Variants in TDRD6 observed in about 807,000 individuals in gnomAD.
The protein encoded by TDRD6 is tudor domain-containing protein 6.
TDRD6 carries 186 observed loss-of-function variants against 157.5 expected under a neutral mutation model. The ratio of observed to expected loss-of-function variants is 1.18; its 90% CI spans 1.05 to 1.33. TDRD6 has a LOEUF of 1.33. TDRD6 is among the 40% of genes most tolerant of loss of function. The pLI is 0.00. For synonymous variants in TDRD6, 1,075 were observed against 945.2 expected, an observed-to-expected ratio of 1.14 and a Z score of -2.52; for missense variants, 3,066 against 2,508.0, an observed-to-expected ratio of 1.22 and a Z score of -4.75.
chr6:46,701,885 T>G lies in TDRD6; in HGVS notation c.6289T>G (p.Ter2097GluextTer15), dbSNP rs748279974. ...EKRGLEVMEI* is the reference protein window; with the variant it reads ...EKRGLEVMEIE ...AAGGGGTTTGGAGGTGATGGAGATT[T>G]AACCGTGGATCTATAGCTGTGGCCA... The change falls in exon 4 of 4, where the codon TAA (stop) becomes GAA (glutamate). Residue 2097 changes from the stop codon to glutamate (E), a stop_lost. Coordinates refer to ENST00000316081, the MANE Select transcript of TDRD6 (RefSeq NM_001010870.3). The G allele has an allele frequency of 1.2e-6, 2 of 1,612,786 alleles. No individual in the cohort carries two copies. The highest frequency in any genetic ancestry group is 1.7e-6 in the Non-Finnish European group (2 of 1,179,022).
chr6:46,688,610 T>A lies in TDRD6; in HGVS notation c.482T>A (p.Leu161His). Residue 161 changes from leucine to histidine, a missense_variant, in exon 1 of 4, where the codon CTT becomes CAT. Physicochemically the swap from Leu to His is moderately conservative, Grantham distance 99 (BLOSUM62 -3). Coordinates refer to ENST00000316081, the MANE Select transcript of TDRD6 (RefSeq NM_001010870.3). ...GACGCCGTGGACTTCCTTAGCAACC[T>A]TCAGGGCAAGGAGGTGCACGGGTGC... ...PADAVDFLSN[L>H]QGKEVHGCVL... 3.8e-6 allele frequency: 6 copies of A among 1,599,030 alleles called. No homozygotes were observed. Among genetic ancestry groups the A allele is most frequent in the Non-Finnish European group, 5.1e-6 (6 of 1,179,760 alleles).
upstream of TDRD6, among the ~76,000 whole-genome samples, chr6:46,687,085 G>A (rs1242965027): frequency 6.6e-6 from 1 of 152,204 alleles, no homozygotes; most frequent in Non-Finnish European, 1.5e-5. Context: ...ACATATCCTG[G>A]AAACTTCTAG....
chr6:46,687,786 A>G (rs771850163), upstream of TDRD6: 9 of 247,970 alleles, frequency 3.6e-5, no homozygotes, highest in Non-Finnish European at 5.4e-5. Flanking sequence ...ACGTCCCAAC[A>G]AGCTCCTTGG....
intron 1 of TDRD6, among the ~76,000 whole-genome samples, chr6:46,695,128 T>G (rs978447026): frequency 1.3e-5 from 2 of 152,084 alleles, no homozygotes; most frequent in Non-Finnish European, 2.9e-5. Flanking sequence ...TATTATTAAA[T>G]TTGAACCATT....
At chr6:46,699,034 T>C (rs1019574118) in intron 3 of TDRD6, among the ~76,000 whole-genome samples, 2 of 152,198 alleles carry the variant, frequency 1.3e-5, no homozygotes, top group Non-Finnish European at 2.9e-5. Flanking sequence ...TGTCAAAGAC[T>C]TTGCTGTGCT....
rs753493126 is a variant in TDRD6 at position 46,691,148 on chromosome 6, G to A, written c.3020G>A (p.Arg1007Lys). 1.2e-6 allele frequency: 2 copies of A among 1,613,658 alleles called. No individual in the cohort carries two copies. Among genetic ancestry groups the A allele is most frequent in the Admixed American group, 3.3e-5 (2 of 59,898 alleles). Residue 1007 changes from arginine (R) to lysine (K), a missense_variant, in exon 1 of 4, where the codon AGA becomes AAA. Physicochemically the swap from Arg to Lys is conservative, Grantham distance 26. Coordinates refer to ENST00000316081, the MANE Select transcript of TDRD6 (RefSeq NM_001010870.3). ...DPWTFYCQLA[R>K]NANILEQLSC... ...TGGACATTTTATTGCCAGCTGGCAAGAAATGCAAATATTTTAGAACAGTTG... is the reference window on the plus strand; with the variant it reads ...TGGACATTTTATTGCCAGCTGGCAAAAAATGCAAATATTTTAGAACAGTTG...
At position 46,691,358 on chromosome 6, in the gene TDRD6, A is replaced by G. The variant is rs141532119; in HGVS notation, c.3230A>G (p.Asp1077Gly). Residue 1077 changes from aspartate to glycine, a missense_variant, in exon 1 of 4, where the codon GAT becomes GGT. Transcript: ENST00000316081. ...AATATTTATGTAGTAACAAGTGATG[A>G]TCTGCTTCCAATACCTAGTGATGCA... ...FGNIYVVTSD[D>G]LLPIPSDAYD... The G allele has an allele frequency of 1.1e-3, 1,799 of 1,614,056 alleles. 24 individuals are homozygous for G. The South Asian group carries it at 0.018, about 17-fold the overall frequency.
rs987045919 is a variant in TDRD6 at position 46,689,290 on chromosome 6, T to C, written c.1162T>C (p.Trp388Arg). ...TGGACTCTGGGACGGTGGGAGAGGC[T>C]GGTCTCGGTCACAGGTCGGTGACCT... The part of the protein sequence containing the change: ...LYGLWDGGRG[W>R]SRSQVGDLKT... Residue 388 changes from tryptophan (W) to arginine (R), a missense_variant, in exon 1 of 4, where the codon TGG becomes CGG. Physicochemically the swap from Trp to Arg is moderately radical, Grantham distance 101. Transcript: ENST00000316081. 6 of 1,613,994 alleles carry C rather than the reference T, an allele frequency of 3.7e-6. No individual in the cohort carries two copies. The African/African-American group carries it at 6.7e-5, about 18-fold the overall frequency.
chr6:46,691,545 A>G lies in TDRD6; in HGVS notation c.3417A>G (p.Ile1139Met). Residue 1139 changes from isoleucine (I) to methionine (M), a missense_variant, in exon 1 of 4, where the codon ATA becomes ATG. By Grantham distance (10) the Ile-to-Met change is conservative. Transcript: ENST00000316081. Reference sequence around the variant, plus strand: ...AAGATCCAGATGGAACACTGATTATAGAACTATATGGTGACAATATTCAAA... The same window carrying G: ...AAGATCCAGATGGAACACTGATTATGGAACTATATGGTGACAATATTCAAA... The part of the protein sequence containing the change: ...VAKDPDGTLI[I>M]ELYGDNIQIS... 1.9e-6 allele frequency: 3 copies of G among 1,613,872 alleles called. No individual in the cohort carries two copies. Among genetic ancestry groups the G allele is most frequent in the Non-Finnish European group, 2.5e-6 (3 of 1,179,812 alleles).
In TDRD6 at chr6:46,693,027, A is replaced by G; in HGVS notation, c.4899A>G (p.Pro1633=). The G allele has an allele frequency of 6.2e-7, 1 of 1,613,492 alleles. No individual in the cohort carries two copies. The highest frequency in any genetic ancestry group is 8.5e-7 in the Non-Finnish European group (1 of 1,179,770). Residue 1633 remains proline (P), a synonymous_variant, in exon 1 of 4, where the codon CCA becomes CCG. Transcript: ENST00000316081. ...ELLSVPMQAF[P]CCLSGFNISE... is the part of the protein sequence containing the mutation. ...TGTCGGTTCCCATGCAAGCCTTTCC[A>G]TGTTGCCTCTCAGGGTTTAACATTT...
chr6:46,689,510 A>G lies in TDRD6; in HGVS notation c.1382A>G (p.Gln461Arg). ...ATEEEEPETS[Q>R]SQSPAEEVDE... ...GAGGAGGAGGAACCAGAAACATCTC[A>G]GTCTCAGTCTCCTGCTGAAGAAGTA... The change falls in exon 1 of 4, where the codon CAG becomes CGG. Residue 461 changes from glutamine to arginine, a missense_variant. Transcript: ENST00000316081. 2 of 1,613,836 alleles carry G rather than the reference A, an allele frequency of 1.2e-6. No homozygotes were observed. The highest frequency in any genetic ancestry group is 1.7e-5 in the Admixed American group (1 of 60,026).
chr6:46,688,612 C>T lies in TDRD6; in HGVS notation c.484C>T (p.Gln162Ter), dbSNP rs143103291. Residue 162 changes from glutamine to a stop codon, truncating the protein, a stop_gained, in exon 1 of 4, where the codon CAG (glutamine) becomes TAG (stop). Transcript: ENST00000316081. LOFTEE classifies it high-confidence loss of function. ...CGCCGTGGACTTCCTTAGCAACCTT[C>T]AGGGCAAGGAGGTGCACGGGTGCGT... ...ADAVDFLSNL[Q>*]GKEVHGCVLD... is the part of the protein sequence containing the mutation. 3.7e-4 allele frequency: 589 copies of T among 1,599,112 alleles called. 2 individuals are homozygous for T. The highest frequency in any genetic ancestry group is 2.6e-4 in the Non-Finnish European group (304 of 1,179,788).
chr6:46,689,527 G>T lies in TDRD6; in HGVS notation c.1399G>T (p.Glu467Ter), dbSNP rs753199824. ...AACATCTCAGTCTCAGTCTCCTGCT[G>T]AAGAAGTAGATGAAGAGATTTCACT... ...PETSQSQSPA[E>*]EVDEEISLPA... Residue 467 changes from glutamate (E) to a stop codon, truncating the protein, a stop_gained, in exon 1 of 4, where the codon GAA (glutamate) becomes TAA (stop). Transcript: ENST00000316081. LOFTEE classifies it high-confidence loss of function. 6.2e-7 allele frequency: 1 copy of T among 1,614,118 alleles called. No homozygotes were observed. Among genetic ancestry groups the T allele is most frequent in the Non-Finnish European group, 8.5e-7 (1 of 1,180,040 alleles).
rs1290146022 is a variant in TDRD6, at chr6:46,690,152, A to G, written c.2024A>G (p.Glu675Gly). ...AAGTATCAGGAATTTGAAACAAAGG[A>G]AAATATCCTGGTAAATGCCCACTCC... Reference protein sequence around the residue: ...YAKYQEFETKENILVNAHSPG... With the variant: ...YAKYQEFETKGNILVNAHSPG... Residue 675 changes from glutamate to glycine, a missense_variant, in exon 1 of 4, where the codon GAA becomes GGA. Coordinates refer to ENST00000316081, the MANE Select transcript of TDRD6 (RefSeq NM_001010870.3). 1.2e-6 allele frequency: 2 copies of G among 1,613,270 alleles called. No homozygotes were observed. Among genetic ancestry groups the G allele is most frequent in the Non-Finnish European group, 1.7e-6 (2 of 1,179,786 alleles).
upstream of TDRD6, among the ~76,000 whole-genome samples, chr6:46,683,359 A>G (rs143629614): frequency 2.7e-3 from 418 of 152,172 alleles, 2 homozygotes; most frequent in African/African-American, 9.4e-3. Context: ...TAAAACTTCT[A>G]AACAAAAACA....
rs1764646640 is a variant in TDRD6 at position 46,702,406 on chromosome 6, C to G, written c.*519C>G. ...ATACAAGATTTGAATAAAGTTTATC[C>G]TTAAATAAAGTTTATCCTTAATATG... On this transcript the variant is annotated 3_prime_UTR_variant, in exon 4 of 4. Transcript: ENST00000316081. 1 of 151,928 alleles carries G rather than the reference C, an allele frequency of 6.6e-6. No homozygotes were observed. Among genetic ancestry groups the G allele is most frequent in the Non-Finnish European group, 1.5e-5 (1 of 67,974 alleles). 9.4% of individuals were successfully genotyped at this position (151,928 alleles called of 1,614,324 possible).
Position 46,691,554 on chromosome 6 carries a change from T to C in TDRD6, c.3426T>C (p.Tyr1142=), listed in dbSNP as rs760621020. ...ATGGAACACTGATTATAGAACTATA[T>C]GGTGACAATATTCAAATTAGTGCTA... is the stretch of plus-strand genomic sequence containing the variant. ...DPDGTLIIEL[Y]GDNIQISASI... The change falls in exon 1 of 4, where the codon TAT becomes TAC. Residue 1142 remains tyrosine (Y), a synonymous_variant. Transcript: ENST00000316081. 1.5e-5 allele frequency: 24 copies of C among 1,613,596 alleles called. No homozygotes were observed. In the East Asian group the frequency reaches 5.1e-4, roughly 34 times the overall value.
upstream of TDRD6, among the ~76,000 whole-genome samples, chr6:46,685,020 T>A (rs1237351396): frequency 6.6e-6 from 1 of 151,890 alleles, no homozygotes; most frequent in Non-Finnish European, 1.5e-5. Context: ...GTGGGTTTTT[T>A]TTTTTTTTTG....
chr6:46,681,649 TAAAC>T, the TDRD6 span: 5 of 457,310 alleles, frequency 1.1e-5, no homozygotes, highest in Non-Finnish European at 2.3e-5. Context: ...TGTGAGTAAA[TAAAC>T]TGTGTTATTC....
Sources: gnomAD v4.1 joint callset for allele counts (sites outside exome capture counted in the v4.1 genomes callset) on GRCh38, gnomAD v4.1.1 for gene constraint, MANE v1.5 for transcripts, NCBI Gene and HGNC (gene_info 2026-07-23, HGNC 2026-07-21) for gene names.